KDM6A: variants seen among roughly 807,000 people sequenced by gnomAD.
The protein encoded by KDM6A is lysine demethylase 6A.
Under a neutral mutation model 117.6 loss-of-function variants are expected in KDM6A, and 11 were observed. That is an observed-to-expected ratio of 0.09 (90% CI 0.06 to 0.15). The LOEUF (loss-of-function observed/expected upper bound fraction) is 0.15. Among genes scored for constraint, KDM6A ranks in the 10% least tolerant of loss-of-function variants. The probability of loss-of-function intolerance (pLI) is 1.00; values close to 1 mark genes in which losing one functional copy is unlikely to be tolerated. For missense variants in KDM6A, 799 were observed against 1,077.3 expected, an observed-to-expected ratio of 0.74 and a Z score of 3.62; for synonymous variants, 384 against 396.1, an observed-to-expected ratio of 0.97 and a Z score of 0.36.
chrX:45,041,814 G>A (rs1398632038), intron 8 of KDM6A, among the ~76,000 whole-genome samples: 1 of 111,179 alleles, frequency 9.0e-6, no homozygotes. Flanking sequence ...ACGATGGGGG[G>A]CCAGGCAGAG....
At chrX:44,899,977 A>G (rs1302323616) in intron 2 of KDM6A, among the ~76,000 whole-genome samples, 1 of 112,271 alleles carries the variant, frequency 8.9e-6, no homozygotes, top group Non-Finnish European at 1.9e-5. Flanking sequence ...TTTCGGGGAT[A>G]TGGTTTAAAT....
At chrX:45,090,589 C>T in intron 26 of KDM6A, 134 bp from the exon 27 acceptor site, 1 of 641,715 alleles carries the variant, frequency 1.6e-6, no homozygotes, top group Non-Finnish European at 2.4e-6. Context: ...TATCATAAAG[C>T]ATAAAAATTA....
At chrX:45,045,588 G>GA (rs569636939) in intron 8 of KDM6A, among the ~76,000 whole-genome samples, 1,958 of 35,638 alleles carry the variant, frequency 0.055, 52 homozygotes, top group Admixed American at 0.17. Flanking sequence ...TCTGTCTCAA[G>GA]AAAAAAAAAA....
At chrX:44,895,074 TTTTATTTATTTATTTA>T (rs200356311) in intron 2 of KDM6A, among the ~76,000 whole-genome samples, 1,565 of 91,676 alleles carry the variant, frequency 0.017, 38 homozygotes, top group African/African-American at 0.062. Context: ...GCAACTTTTA[TTTTATTTATTTATTTA>T]TTTATTTATT....
chrX:45,008,363 A>G (rs10126193), intron 4 of KDM6A, among the ~76,000 whole-genome samples: 38,641 of 109,706 alleles, frequency 0.35, 7,663 homozygotes, highest in African/African-American at 0.75. Context: ...GACAGAGCGA[A>G]ACTCCATCTC....
intron 2 of KDM6A, among the ~76,000 whole-genome samples, chrX:44,906,689 AGAGAGAGC>A (rs748027206): frequency 1.8e-4 from 20 of 110,220 alleles, no homozygotes; most frequent in Non-Finnish European, 3.6e-4. Flanking sequence ...GTATATAGAG[AGAGAGAGC>A]GAGAGAGAGA....
rs962190659 is a variant in KDM6A at position 45,063,654 on chromosome X, G to A, written c.1916G>A (p.Ser639Asn). Reference sequence around the variant, plus strand: ...TGTAGCACATCAAGAACGCTGGGAAGTACAGACACTATTTTGATAGGCAAT... The same window carrying A: ...TGTAGCACATCAAGAACGCTGGGAAATACAGACACTATTTTGATAGGCAAT... The part of the protein sequence containing the change: ...VPCSTSRTLG[S>N]TDTILIGNNH... Residue 639 changes from serine to asparagine, a missense_variant, in exon 17 of 30, where the codon AGT (serine) becomes AAT (asparagine). Physicochemically the swap from Ser to Asn is conservative, Grantham distance 46 (BLOSUM62 1). This residue lies in a region of KDM6A where 301 missense variants were observed against 318.3 expected (regional missense o/e 0.95). Coordinates refer to ENST00000611820, the MANE Select transcript of KDM6A (RefSeq NM_001291415.2). The A allele has an allele frequency of 9.9e-6, 12 of 1,208,806 alleles. No homozygotes were observed. The highest frequency in any genetic ancestry group is 1.8e-5 in the African/African-American group (1 of 57,064).
At chrX:45,027,429 T>TATG (rs1162114105) in intron 6 of KDM6A, among the ~76,000 whole-genome samples, 1 of 111,683 alleles carries the variant, frequency 9.0e-6, no homozygotes, top group East Asian at 2.8e-4. Flanking sequence ...CTATTTCCTT[T>TATG]ATGATGCTCA....
chrX:44,907,751 ATTTTTTTT>A (rs67971573), intron 2 of KDM6A, among the ~76,000 whole-genome samples: 6 of 70,541 alleles, frequency 8.5e-5, no homozygotes, highest in African/African-American at 2.1e-4. Context: ...TCTGGCCTCC[ATTTTTTTT>A]TTTTTTTTTT....
intron 2 of KDM6A, among the ~76,000 whole-genome samples, chrX:44,949,666 C>A (rs1394554718): frequency 9.0e-6 from 1 of 111,462 alleles, no homozygotes; most frequent in Admixed American, 9.6e-5. Flanking sequence ...TTTCATGCAA[C>A]CTGAAGTGCT....
chrX:45,075,434 C>T (rs2045070249), intron 18 of KDM6A, among the ~76,000 whole-genome samples: 1 of 111,565 alleles, frequency 9.0e-6, no homozygotes, highest in African/African-American at 3.2e-5. Flanking sequence ...ATTTATTCAA[C>T]CTTTAACCTT....
intron 17 of KDM6A, 56 bp from the exon 18 acceptor site, chrX:45,069,523 C>T (rs2148032909): frequency 1.0e-6 from 1 of 997,862 alleles, no homozygotes; most frequent in Non-Finnish European, 1.4e-6. Context: ...ATTTTAAATT[C>T]TGTATATTCT....
chrX:45,076,974 A>C, intron 19 of KDM6A, 148 bp downstream of exon 19: 1 of 491,805 alleles, frequency 2.0e-6, no homozygotes, highest in Non-Finnish European at 3.4e-6. Context: ...GGGAAGATAT[A>C]TTCAAGAAGA....
intron 4 of KDM6A, among the ~76,000 whole-genome samples, chrX:44,975,616 A>G (rs2039578549): frequency 8.9e-6 from 1 of 112,137 alleles, no homozygotes; most frequent in Non-Finnish European, 1.9e-5. Flanking sequence ...CTATAAAATT[A>G]TAGCTTTATT....
At chrX:45,095,093 A>G (rs1021940529) in intron 27 of KDM6A, among the ~76,000 whole-genome samples, 1 of 111,336 alleles carries the variant, frequency 9.0e-6, no homozygotes, top group Non-Finnish European at 1.9e-5. Context: ...TTTGGCTTTT[A>G]AGTCTGGATA....
intron 4 of KDM6A, among the ~76,000 whole-genome samples, chrX:44,994,792 T>C (rs922024343): frequency 9.0e-6 from 1 of 110,885 alleles, no homozygotes; most frequent in Admixed American, 9.7e-5. Flanking sequence ...TTGGCTAGGG[T>C]TAGACTGCAC....
intron 3 of KDM6A, among the ~76,000 whole-genome samples, chrX:44,973,143 T>TC (rs1483060745): frequency 9.0e-6 from 1 of 111,495 alleles, no homozygotes; most frequent in African/African-American, 3.3e-5. Context: ...CAGAACATGG[T>TC]CAAAAAAAAG....
At chrX:44,889,207 G>T (rs1323725179) in intron 2 of KDM6A, among the ~76,000 whole-genome samples, 1 of 111,301 alleles carries the variant, frequency 9.0e-6, no homozygotes, top group African/African-American at 3.3e-5. Context: ...TAGAGACAGG[G>T]TTTCGCCACG....
At chrX:44,888,929 A>T (rs1471343639) in intron 2 of KDM6A, among the ~76,000 whole-genome samples, 1 of 112,259 alleles carries the variant, frequency 8.9e-6, no homozygotes, top group Non-Finnish European at 1.9e-5. Flanking sequence ...TATTACAAAG[A>T]TGAGTAAGGA....
Sources: gnomAD v4.1 joint callset for allele counts (sites outside exome capture counted in the v4.1 genomes callset) on GRCh38, gnomAD v4.1.1 for gene constraint, gnomAD v4.1.1 regional missense constraint, MANE v1.5 for transcripts, NCBI Gene and HGNC (gene_info 2026-07-23, HGNC 2026-07-21) for gene names.